Variants in AASDH observed in about 807,000 individuals in gnomAD.
The protein encoded by AASDH is beta-alanine-activating enzyme.
Under a neutral mutation model 102.3 loss-of-function variants are expected in AASDH, and 81 were observed. The ratio of observed to expected loss-of-function variants is 0.79; its 90% CI spans 0.66 to 0.95. AASDH has a LOEUF of 0.95. AASDH is among the 40% of genes least tolerant of loss of function. AASDH has a pLI of 0.00. For missense variants in AASDH, 1,203 were observed against 1,266.2 expected (o/e 0.95, Z 0.76); for synonymous variants, 398 against 454.0 (o/e 0.88, Z 1.57).
rs746009238 is a variant in AASDH at position 56,338,801 on chromosome 4, G to GTAAT, written c.2908-14_2908-11dup. The GTAAT allele has an allele frequency of 7.5e-6, 12 of 1,608,550 alleles. No homozygotes were observed. In the South Asian group the frequency reaches 1.3e-4, roughly 18 times the overall value. On this transcript the variant is annotated splice_polypyrimidine_tract_variant and intron_variant, in intron 14 of 14. Coordinates refer to ENST00000205214, the MANE Select transcript of AASDH (RefSeq NM_181806.4). Reference sequence around the variant, plus strand: ...TAGAGAACTGCCAAACCTATAACAAGTAATAAAAATAAATATAATTCATTC... The same window carrying GTAAT: ...TAGAGAACTGCCAAACCTATAACAAGTAATTAATAAAAATAAATATAATTCATTC...
At chr4:56,343,052 G>C (rs1000742815) in intron 13 of AASDH, 86 bp from the exon 14 acceptor site, 53 of 1,280,658 alleles carry the variant, frequency 4.1e-5, no homozygotes, top group Non-Finnish European at 5.2e-5. Context: ...ACATCTCCTA[G>C]GGTTAGAACT....
chr4:56,379,931 G>A (rs995622074), intron 3 of AASDH, among the ~76,000 whole-genome samples: 12 of 152,152 alleles, frequency 7.9e-5, no homozygotes, highest in African/African-American at 1.4e-4. Context: ...CTTAATAACC[G>A]TGTACACTCA....
In AASDH at chr4:56,383,881, C is replaced by T. The variant is rs961590739; in HGVS notation, c.230+189G>A. ...AAGCTTCTAGTCTTTCCTAAATAAG[C>T]TCAGAATAATTAATTTAAATAATAT... On this transcript the variant is annotated intron_variant, in intron 2 of 14. Transcript: ENST00000205214. Among the ~76,000 whole-genome samples the T allele has an allele frequency of 2.0e-5, 3 of 150,172 alleles. No homozygotes were observed. In the Admixed American group the frequency reaches 2.0e-4, roughly 10 times the overall value.
intron 9 of AASDH, among the ~76,000 whole-genome samples, chr4:56,352,441 T>C (rs539707859): frequency 4.3e-4 from 65 of 152,362 alleles, no homozygotes; most frequent in Non-Finnish European, 7.3e-4. Context: ...TTGCCTAGGC[T>C]GGAGTGCAGT....
chr4:56,379,526 G>C (rs905414127), intron 3 of AASDH, among the ~76,000 whole-genome samples: 3 of 151,956 alleles, frequency 2.0e-5, no homozygotes, highest in Non-Finnish European at 2.9e-5. Context: ...TTTGGGGAGT[G>C]GGGGGAAGTA....
intron 14 of AASDH, among the ~76,000 whole-genome samples, chr4:56,339,830 A>AAT (rs532551554): frequency 7.9e-4 from 119 of 151,406 alleles, no homozygotes; most frequent in African/African-American, 2.8e-3. Flanking sequence ...TGTAGGAAAA[A>AAT]AGTTAATTGT....
rs1560556701 is a variant in AASDH, at chr4:56,338,742, G to GAGGTACACGGGGATGAAAAGAT, written c.2935_2956dup (p.Ser986TyrfsTer20). On this transcript the variant is annotated frameshift_variant, in exon 15 of 15. Coordinates refer to ENST00000205214, the MANE Select transcript of AASDH (RefSeq NM_181806.4). LOFTEE classifies it low-confidence loss of function (END_TRUNC). ...AAAAAATATTTTTTGCTCTGATGGT[G>GAGGTACACGGGGATGAAAAGAT]AGGTACACGGGGATGAAAAGATTGG... The GAGGTACACGGGGATGAAAAGAT allele has an allele frequency of 6.2e-7, 1 of 1,614,160 alleles. No homozygotes were observed. Among genetic ancestry groups the GAGGTACACGGGGATGAAAAGAT allele is most frequent in the East Asian group, 2.2e-5 (1 of 44,878 alleles).
chr4:56,341,249 G>C (rs971897759), intron 14 of AASDH, among the ~76,000 whole-genome samples: 1 of 152,122 alleles, frequency 6.6e-6, no homozygotes, highest in African/African-American at 2.4e-5. Context: ...CAAAGATATG[G>C]AATGCACTTA....
chr4:56,349,300 T>C lies in AASDH; in HGVS notation c.2451A>G (p.Ser817=). The C allele has an allele frequency of 1.2e-6, 2 of 1,614,236 alleles. No individual in the cohort carries two copies. Among genetic ancestry groups the C allele is most frequent in the Non-Finnish European group, 1.7e-6 (2 of 1,180,042 alleles). Residue 817 remains serine (S), a synonymous_variant, in exon 11 of 15, where the codon TCA becomes TCG. Transcript: ENST00000205214. ...EQILGDRIES[S]ACVSKCGNFI... ...AGTTTCCACACTTAGATACACATGCTGAGGATTCAATTCGATCTCCCAAAA... is the reference window on the plus strand; with the variant it reads ...AGTTTCCACACTTAGATACACATGCCGAGGATTCAATTCGATCTCCCAAAA...
At chr4:56,381,423 C>T (rs369467984) in intron 3 of AASDH, among the ~76,000 whole-genome samples, 2 of 151,672 alleles carry the variant, frequency 1.3e-5, no homozygotes, top group African/African-American at 4.9e-5. Flanking sequence ...AATATATATA[C>T]AAAAATTAGC....
In AASDH at chr4:56,354,091, T is replaced by C. The variant is rs1261089425; in HGVS notation, c.1331A>G (p.Asp444Gly). The C allele has an allele frequency of 1.2e-6, 2 of 1,613,334 alleles. No homozygotes were observed. Among genetic ancestry groups the C allele is most frequent in the African/African-American group, 1.3e-5 (1 of 74,900 alleles). Residue 444 changes from aspartate to glycine, a missense_variant, in exon 8 of 15, where the codon GAC becomes GGC. Transcript: ENST00000205214. ...TTTGCCATGACGTTTGATCTGACTG[T>C]CTTTTCGTCCCAAAAAAAAAATCTC... Reference protein sequence around the residue: ...DGEIFFLGRKDSQIKRHGKRL... With the variant: ...DGEIFFLGRKGSQIKRHGKRL...
In AASDH at chr4:56,347,149, G is replaced by C. The variant is rs1748426349; in HGVS notation, c.2489-1859C>G. 1.3e-5 allele frequency among the ~76,000 whole-genome samples: 2 copies of C among 151,830 alleles called. 1 individual carries two copies. The highest frequency in any genetic ancestry group is 6.8e-3 in the Middle Eastern group (2 of 294). On this transcript the variant is annotated intron_variant, in intron 11 of 14. Coordinates refer to ENST00000205214, the MANE Select transcript of AASDH (RefSeq NM_181806.4). ...TTTCAACGGCTATAACAAAAAAAAA[G>C]TTAAAGCTGACAATACCAAGTACTA...
chr4:56,371,182 C>T (rs563081478), intron 5 of AASDH, among the ~76,000 whole-genome samples: 1 of 152,126 alleles, frequency 6.6e-6, no homozygotes, highest in Non-Finnish European at 1.5e-5. Flanking sequence ...CTTCTCAAAT[C>T]CAACAAATCT....
chr4:56,343,201 G>C (rs369710513), intron 13 of AASDH, among the ~76,000 whole-genome samples: 10 of 152,142 alleles, frequency 6.6e-5, no homozygotes, highest in African/African-American at 2.2e-4. Flanking sequence ...GCACCTAAGA[G>C]TTATCCCTGT....
At chr4:56,356,220 C>T (rs2109903965) in intron 5 of AASDH, 6 of 763,206 alleles carry the variant, frequency 7.9e-6, no homozygotes, top group East Asian at 4.9e-5. Flanking sequence ...GTGGTGAATC[C>T]CCTGTTTGAG....
At position 56,339,157 on chromosome 4, in the gene AASDH, TTATTA is replaced by T. The variant is rs769194390; in HGVS notation, c.2908-371_2908-367del. On this transcript the variant is annotated intron_variant, in intron 14 of 14. Transcript: ENST00000205214. ...ATCTTTTTTTAATTTTTATTTATTA[TTATTA>T]TTTTTTTTTGAGATGGAGTCTTGCT... is the stretch of plus-strand genomic sequence containing the variant. Among the ~76,000 whole-genome samples the T allele has an allele frequency of 5.1e-4, 75 of 145,666 alleles. 1 individual carries two copies. The Middle Eastern group carries it at 0.031, about 61-fold the overall frequency.
At position 56,371,607 on chromosome 4, in the gene AASDH, A is replaced by C. The variant is rs781135345; in HGVS notation, c.705T>G (p.Phe235Leu). 1 of 1,609,084 alleles carries C rather than the reference A, an allele frequency of 6.2e-7. No individual in the cohort carries two copies. The highest frequency in any genetic ancestry group is 8.5e-7 in the Non-Finnish European group (1 of 1,179,114). Residue 235 changes from phenylalanine to leucine, a missense_variant, in exon 5 of 15, where the codon TTT becomes TTG. By Grantham distance (22) the Phe-to-Leu change is conservative (BLOSUM62 0). Coordinates refer to ENST00000205214, the MANE Select transcript of AASDH (RefSeq NM_181806.4). ...GATCGAAGGTCAGAGGTGAAGCCAG[A>C]AACAAAACATCTTCTTGTGTGATGT... ...LFDITQEDVLFLASPLTFDPS... is the reference protein window; with the variant it reads ...LFDITQEDVLLLASPLTFDPS...
chr4:56,375,184 G>C (rs1009442500), intron 4 of AASDH, among the ~76,000 whole-genome samples: 1 of 151,918 alleles, frequency 6.6e-6, no homozygotes, highest in Non-Finnish European at 1.5e-5. Context: ...CAAACTCCTA[G>C]GCTCAGCAAT....
chr4:56,358,308 A>AAGTAT (rs1749859328), intron 5 of AASDH, among the ~76,000 whole-genome samples: 1 of 151,590 alleles, frequency 6.6e-6, no homozygotes, highest in South Asian at 2.1e-4. Context: ...AAAGAGTTGT[A>AAGTAT]CTTCCTCCTG....
Sources: allele counts gnomAD v4.1 joint callset (sites outside exome capture counted in the v4.1 genomes callset), GRCh38; gene constraint gnomAD v4.1.1; transcripts MANE v1.5; gene names NCBI Gene and HGNC (gene_info 2026-07-23, HGNC 2026-07-21).